The following FASN variants were observed in gnomAD, a reference collection of about 807,000 sequenced individuals.
FASN encodes the protein fatty acid synthase, also known as 3-hydroxyacyl-[acyl-carrier-protein] dehydratase.
FASN carries 50 observed loss-of-function variants against 250.0 expected under a neutral mutation model. The observed-to-expected ratio is 0.20, with a 90% CI of 0.16 to 0.25. FASN has a LOEUF of 0.25. Ranked by LOEUF, FASN falls within the 10% of genes least tolerant of loss-of-function variation. The pLI, the probability that FASN is intolerant of heterozygous loss-of-function variation, is 1.00. For synonymous variants in FASN, 1,909 were observed against 1,584.0 expected (o/e 1.21, Z -4.87); for missense variants, 3,031 against 3,498.5 (o/e 0.87, Z 3.37).
intron 1 of FASN, chr17:82,097,632 G>A (rs2034327211): frequency 6.6e-6 from 1 of 152,152 alleles, no homozygotes; most frequent in African/African-American, 2.4e-5. Context: ...CCTTCGCCCC[G>A]GGCGGGGGCT....
chr17:82,088,167 CA>C lies in FASN; in HGVS notation c.2733del (p.Val912TrpfsTer42). On this transcript the variant is annotated frameshift_variant, in exon 17 of 43. Coordinates refer to ENST00000306749, the MANE Select transcript of FASN (RefSeq NM_004104.5). LOFTEE classifies it high-confidence loss of function. ...TGCAGCACCACATCCTCAAACACCACAGGCAGCTGCTCGACGCCCAGGCCCA... is the reference window on the plus strand; with the variant it reads ...TGCAGCACCACATCCTCAAACACCACGGCAGCTGCTCGACGCCCAGGCCCA... ...RALGLGVEQL[P>X]VVFEDVVLHQ... 6.2e-7 allele frequency: 1 copy of C among 1,612,794 alleles called. No homozygotes were observed. The highest frequency in any genetic ancestry group is 8.5e-7 in the Non-Finnish European group (1 of 1,179,998).
chr17:82,083,724 G>C, intron 30 of FASN, 48 bp downstream of exon 30: 1 of 1,609,168 alleles, frequency 6.2e-7, no homozygotes, highest in Non-Finnish European at 8.5e-7. Context: ...CTTCTCCCTG[G>C]GCCGGAGGCT....
In FASN at chr17:82,086,452, C is replaced by A. The variant is rs1254198789; in HGVS notation, c.3534G>T (p.Leu1178=). The part of the protein sequence containing the change: ...QIPRDPSQQE[L]PRLLSAACRL... Reference sequence around the variant, plus strand: ...TGCAGGCAGCCGACAACAGCCGGGGCAGTTCCTGCTGTGAGGGGTCCCGGG... The same window carrying A: ...TGCAGGCAGCCGACAACAGCCGGGGAAGTTCCTGCTGTGAGGGGTCCCGGG... Residue 1178 remains leucine (L), a synonymous_variant, in exon 22 of 43, where the codon CTG becomes CTT. Coordinates refer to ENST00000306749, the MANE Select transcript of FASN (RefSeq NM_004104.5). 6.2e-7 allele frequency: 1 copy of A among 1,612,182 alleles called. No individual in the cohort carries two copies. The highest frequency in any genetic ancestry group is 1.3e-5 in the African/African-American group (1 of 74,950).
intron 3 of FASN, among the ~76,000 whole-genome samples, chr17:82,094,471 G>A (rs961976029): frequency 4.6e-5 from 7 of 151,660 alleles, no homozygotes; most frequent in Admixed American, 2.0e-4. Flanking sequence ...GTCCTTCTCC[G>A]CCCGGGGAGG....
chr17:82,087,138 G>C lies in FASN; in HGVS notation c.3339C>G (p.Ile1113Met), dbSNP rs377663642. 9.9e-6 allele frequency: 16 copies of C among 1,611,982 alleles called. No homozygotes were observed. The highest frequency in any genetic ancestry group is 1.7e-6 in the Non-Finnish European group (2 of 1,179,780). Residue 1113 changes from isoleucine to methionine, a missense_variant, in exon 21 of 43, where the codon ATC (isoleucine) becomes ATG (methionine). Coordinates refer to ENST00000306749, the MANE Select transcript of FASN (RefSeq NM_004104.5). ...GGGGAGTGAAGCAAAACTTCTCCAG[G>C]ATGGGCACCTGCTGCTCCTGCTGCC... is the stretch of plus-strand genomic sequence containing the variant. ...PRRQQEQQVP[I>M]LEKFCFTPHT...
chr17:82,083,967 G>A lies in FASN; in HGVS notation c.5098+8C>T, dbSNP rs1006331057. On this transcript the variant is annotated splice_region_variant and intron_variant, in intron 29 of 42. Transcript: ENST00000306749. ...GGGCAGCGGGAGGCACCGGGGGCGG[G>A]GCCTTACCCACGGTGGTGAAGACGC... is the stretch of plus-strand genomic sequence containing the variant. 6.5e-7 allele frequency: 1 copy of A among 1,542,140 alleles called. No homozygotes were observed. Among genetic ancestry groups the A allele is most frequent in the Admixed American group, 2.0e-5 (1 of 50,944 alleles).
Position 82,093,201 on chromosome 17 carries a change from G to A in FASN, c.655+18C>T, listed in dbSNP as rs754230461. The A allele has an allele frequency of 2.4e-5, 37 of 1,561,722 alleles. No homozygotes were observed. In the South Asian group the frequency reaches 3.2e-4, roughly 13 times the overall value. On this transcript the variant is annotated intron_variant, in intron 5 of 42. Transcript: ENST00000306749. The stretch of plus-strand genomic sequence containing the variant: ...TGCCACTGTCCCGCCTGCCCTGGCC[G>A]CGCAGCCGCACACTCACCCGCTGTG...
At chr17:82,085,944 C>A in intron 22 of FASN, 73 bp from the exon 23 acceptor site, 1 of 1,439,246 alleles carries the variant, frequency 6.9e-7, no homozygotes, top group Non-Finnish European at 9.2e-7. Flanking sequence ...GCAAAATGTC[C>A]ATGAGGCCTC....
Position 82,078,706 on chromosome 17 carries a change from C to G in FASN, c.*437G>C. On this transcript the variant is annotated 3_prime_UTR_variant, in exon 43 of 43. Coordinates refer to ENST00000306749, the MANE Select transcript of FASN (RefSeq NM_004104.5). The surrounding 1 kb of genome is among the most constrained non-coding windows in gnomAD (Gnocchi z 5.4). ...CAGCCAGCAGGCTTGGGTGGCTGCCCGCGCCCGCAGGGGACATCGGGGAAA... is the reference window on the plus strand; with the variant it reads ...CAGCCAGCAGGCTTGGGTGGCTGCCGGCGCCCGCAGGGGACATCGGGGAAA... 4.0e-6 allele frequency: 1 copy of G among 248,120 alleles called. No individual in the cohort carries two copies. Among genetic ancestry groups the G allele is most frequent in the South Asian group, 4.7e-5 (1 of 21,278 alleles). 15.4% of individuals were successfully genotyped at this position (248,120 alleles called of 1,614,324 possible). A position where few individuals can be genotyped will look rare whatever the true frequency, so the allele number is the denominator to read the frequency against.
Position 82,087,124 on chromosome 17 carries a change from C to G in FASN, c.3353G>C (p.Cys1118Ser), listed in dbSNP as rs2034118571. 6.2e-7 allele frequency: 1 copy of G among 1,612,144 alleles called. No homozygotes were observed. The highest frequency in any genetic ancestry group is 8.5e-7 in the Non-Finnish European group (1 of 1,179,856). ...CCCCTCCTCCGTGTGGGGAGTGAAG[C>G]AAAACTTCTCCAGGATGGGCACCTG... is the stretch of plus-strand genomic sequence containing the variant. ...EQQVPILEKFCFTPHTEEGCL... is the reference protein window; with the variant it reads ...EQQVPILEKFSFTPHTEEGCL... Residue 1118 changes from cysteine to serine, a missense_variant, in exon 21 of 43, where the codon TGC becomes TCC. Cys to Ser is a moderately radical substitution (Grantham distance 112, BLOSUM62 -1). Transcript: ENST00000306749.
At chr17:82,086,121 A>T in intron 22 of FASN, 133 bp downstream of exon 22, 2 of 1,465,436 alleles carry the variant, frequency 1.4e-6, no homozygotes, top group Admixed American at 4.0e-5. Context: ...CGTGCACAGA[A>T]CCACACAGGG....
chr17:82,080,085 T>C, intron 41 of FASN, 55 bp downstream of exon 41: 1 of 1,559,354 alleles, frequency 6.4e-7, no homozygotes, highest in South Asian at 1.1e-5. Flanking sequence ...CCTTCCCCCT[T>C]CCGTTCCTGC....
chr17:82,096,736 T>G lies in FASN; in HGVS notation c.-7-284A>C, dbSNP rs142765027. On this transcript the variant is annotated intron_variant, in intron 1 of 42. Coordinates refer to ENST00000306749, the MANE Select transcript of FASN (RefSeq NM_004104.5). ...GTACCCCACTGGAGCCCTGCAGCCC[T>G]GGCCTCCCCAGCAGTTACTGGTTTC... is the stretch of plus-strand genomic sequence containing the variant. The G allele has an allele frequency of 1.4e-3, 664 of 475,012 alleles. 7 individuals are homozygous for G. Among genetic ancestry groups the G allele is most frequent in the African/African-American group, 0.012 (603 of 50,850 alleles). The allele number at this position is 475,012 out of a possible 1,614,324, so 29.4% of individuals were successfully genotyped here.
chr17:82,083,486 C>A lies in FASN; in HGVS notation c.5341+31G>T. On this transcript the variant is annotated intron_variant, in intron 31 of 42. Coordinates refer to ENST00000306749, the MANE Select transcript of FASN (RefSeq NM_004104.5). ...ACAGGTCCACCCACACCCATCCATG[C>A]CCACCCCCGCCCAGGCGCTGCCGGC... 3 of 1,612,712 alleles carry A rather than the reference C, an allele frequency of 1.9e-6. No homozygotes were observed. The East Asian group carries it at 6.7e-5, about 36-fold the overall frequency.
In FASN at chr17:82,091,207, A is replaced by G. The variant is rs1283740057; in HGVS notation, c.1492+15T>C. On this transcript the variant is annotated intron_variant, in intron 9 of 42. Transcript: ENST00000306749. ...CCAGGGAAGGGACCACCTTGGGGGC[A>G]GAGTGTGGGCTCACCAGAGCAGATG... is the stretch of plus-strand genomic sequence containing the variant. 2 of 1,601,562 alleles carry G rather than the reference A, an allele frequency of 1.2e-6. No homozygotes were observed. The highest frequency in any genetic ancestry group is 1.7e-6 in the Non-Finnish European group (2 of 1,177,172).
Position 82,088,342 on chromosome 17 carries a change from C to T in FASN, c.2594-35G>A, listed in dbSNP as rs370201536. ...GGCACAGGCCTCAGCACAGAGCGGGCGTCTGTGGGGAGGGAAGAGTCTGCC... is the reference window on the plus strand; with the variant it reads ...GGCACAGGCCTCAGCACAGAGCGGGTGTCTGTGGGGAGGGAAGAGTCTGCC... On this transcript the variant is annotated intron_variant, in intron 16 of 42. Transcript: ENST00000306749. The T allele has an allele frequency of 3.9e-5, 62 of 1,609,966 alleles. 2 individuals are homozygous for T. The highest frequency in any genetic ancestry group is 3.6e-4 in the East Asian group (16 of 44,882).
chr17:82,093,161 C>CG, intron 5 of FASN, 58 bp downstream of exon 5: 5 of 1,536,688 alleles, frequency 3.3e-6, no homozygotes. Context: ...GGGGACTGTG[C>CG]GGGGGGCCGT....
Position 82,088,263 on chromosome 17 carries a change from G to C in FASN, c.2638C>G (p.Leu880Val). 1 of 1,606,566 alleles carries C rather than the reference G, an allele frequency of 6.2e-7. No individual in the cohort carries two copies. Among genetic ancestry groups the C allele is most frequent in the Non-Finnish European group, 8.5e-7 (1 of 1,179,958 alleles). The change falls in exon 17 of 43, where the codon CTC becomes GTC. Residue 880 changes from leucine to valine, a missense_variant. Transcript: ENST00000306749. ...SPDHYLVDHT[L>V]DGRVLFPATG... ...GCGGGGAAGAGGACGCGACCGTCGA[G>C]GGTGTGGTCCACCAGGTAGTGGTCA...
In FASN at chr17:82,089,327, C is replaced by T; in HGVS notation, c.2023G>A (p.Val675Met). 6.2e-7 allele frequency: 1 copy of T among 1,612,848 alleles called. No homozygotes were observed. The highest frequency in any genetic ancestry group is 8.5e-7 in the Non-Finnish European group (1 of 1,180,004). Reference sequence around the variant, plus strand: ...TGGAAGGCCATACCGCCGGTCCGCACCTCCTTGGCAAACACACCCTCCTTC... The same window carrying T: ...TGGAAGGCCATACCGCCGGTCCGCATCTCCTTGGCAAACACACCCTCCTTC... Reference protein sequence around the residue: ...LRKEGVFAKEVRTGGMAFHSY... With the variant: ...LRKEGVFAKEMRTGGMAFHSY... Residue 675 changes from valine (V) to methionine (M), a missense_variant, in exon 13 of 43, where the codon GTG becomes ATG. Transcript: ENST00000306749.
Sources: allele counts gnomAD v4.1 joint callset (sites outside exome capture counted in the v4.1 genomes callset), GRCh38; gene constraint gnomAD v4.1.1; non-coding constraint Gnocchi (gnomAD v3.1); transcripts MANE v1.5; gene names NCBI Gene and HGNC (gene_info 2026-07-23, HGNC 2026-07-21).